The following COBL variants were observed in gnomAD, a reference collection of about 807,000 sequenced individuals.
COBL encodes cordon-bleu WH2 repeat protein, also known as protein cordon-bleu.
In COBL, 51 loss-of-function variants were observed where a neutral mutation model predicts 98.8. The ratio of observed to expected loss-of-function variants is 0.52; its 90% CI spans 0.41 to 0.65. The LOEUF is 0.65. Ranked by LOEUF, COBL falls within the 30% of genes least tolerant of loss-of-function variation. The pLI is 0.00. For synonymous variants in COBL, 634 were observed against 651.7 expected, an observed-to-expected ratio of 0.97 and a Z score of 0.41; for missense variants, 1,617 against 1,617.5, an observed-to-expected ratio of 1.00 and a Z score of 0.01.
At chr7:51,197,896 C>G (rs1302567036) in intron 2 of COBL, among the ~76,000 whole-genome samples, 1 of 152,176 alleles carries the variant, frequency 6.6e-6, no homozygotes, top group African/African-American at 2.4e-5. Flanking sequence ...TTGTTTTGAG[C>G]TTACGTGTGT....
chr7:51,150,257 T>C (rs892691915), intron 5 of COBL, among the ~76,000 whole-genome samples: 3 of 152,212 alleles, frequency 2.0e-5, no homozygotes, highest in African/African-American at 7.2e-5. Flanking sequence ...CAGTCTCTGA[T>C]AGTCCAGTGT....
At chr7:51,127,773 G>T (rs760072463) in intron 6 of COBL, among the ~76,000 whole-genome samples, 1 of 152,216 alleles carries the variant, frequency 6.6e-6, no homozygotes, top group Non-Finnish European at 1.5e-5. Context: ...AGAGAGCAAA[G>T]GGGTGATCCG....
intron 2 of COBL, among the ~76,000 whole-genome samples, chr7:51,216,446 C>G (rs891314502): frequency 6.6e-6 from 1 of 152,204 alleles, no homozygotes; most frequent in Non-Finnish European, 1.5e-5. Context: ...GCTGGGATTA[C>G]AGGCATGAGC....
chr7:51,023,672 G>A (rs572424620), intron 12 of COBL, among the ~76,000 whole-genome samples: 10 of 152,366 alleles, frequency 6.6e-5, no homozygotes, highest in African/African-American at 2.2e-4. Flanking sequence ...GCTGCCGGCC[G>A]GGTGTGGGGC....
chr7:51,121,544 G>A (rs953670155), intron 6 of COBL, among the ~76,000 whole-genome samples: 57 of 152,300 alleles, frequency 3.7e-4, no homozygotes, highest in African/African-American at 1.4e-3. Flanking sequence ...GTTTGGTTGA[G>A]GAGTAAATCA....
intron 6 of COBL, among the ~76,000 whole-genome samples, chr7:51,113,177 T>G (rs548244963): frequency 6.6e-6 from 1 of 152,268 alleles, no homozygotes; most frequent in African/African-American, 2.4e-5. Flanking sequence ...TCATCACAAG[T>G]TTCTAGCAGG....
intron 7 of COBL, among the ~76,000 whole-genome samples, chr7:51,047,884 G>C (rs1425801123): frequency 1.3e-5 from 2 of 152,098 alleles, no homozygotes; most frequent in Non-Finnish European, 2.9e-5. Flanking sequence ...AATTTTGTGG[G>C]GGCCAGGTGC....
chr7:51,159,225 C>A (rs142847934), intron 5 of COBL, among the ~76,000 whole-genome samples: 1 of 152,238 alleles, frequency 6.6e-6, no homozygotes, highest in African/African-American at 2.4e-5. Context: ...GCTTTGGAGA[C>A]CACAGGTGCT....
chr7:51,106,036 T>TAAAAAA (rs1796231933), intron 6 of COBL, among the ~76,000 whole-genome samples: 1 of 69,180 alleles, frequency 1.4e-5, no homozygotes. Context: ...CTACTAAAAA[T>TAAAAAA]ACAAAAAAAA....
intron 6 of COBL, among the ~76,000 whole-genome samples, chr7:51,120,536 T>A (rs1797653069): frequency 6.6e-6 from 1 of 152,190 alleles, no homozygotes; most frequent in Admixed American, 6.5e-5. Context: ...AATTGTACAG[T>A]TCAGTAGTGT....
chr7:51,139,327 A>T (rs942948926), intron 5 of COBL, among the ~76,000 whole-genome samples: 2 of 152,156 alleles, frequency 1.3e-5, no homozygotes, highest in Non-Finnish European at 2.9e-5. Flanking sequence ...CATGAGGGCC[A>T]CACTGAGATG....
intron 6 of COBL, among the ~76,000 whole-genome samples, chr7:51,115,081 T>G (rs1041058699): frequency 6.6e-6 from 1 of 152,210 alleles, no homozygotes; most frequent in African/African-American, 2.4e-5. Context: ...TTTTCAAAAT[T>G]TTTGGTAAAA....
chr7:51,057,067 C>A (rs1361278181), intron 7 of COBL, among the ~76,000 whole-genome samples: 1 of 152,224 alleles, frequency 6.6e-6, no homozygotes, highest in African/African-American at 2.4e-5. Flanking sequence ...TCCACACTGT[C>A]TCCTCCCCTG....
intron 1 of COBL, among the ~76,000 whole-genome samples, chr7:51,300,234 C>A (rs1801810244): frequency 6.6e-6 from 1 of 152,156 alleles, no homozygotes; most frequent in Admixed American, 6.5e-5. Context: ...CATGTCGGCT[C>A]ACTGCAACCT....
chr7:51,144,216 C>T (rs1262600064), intron 5 of COBL, among the ~76,000 whole-genome samples: 1 of 152,172 alleles, frequency 6.6e-6, no homozygotes, highest in African/African-American at 2.4e-5. Flanking sequence ...GTGATAGATT[C>T]GTGTGCAGAC....
In COBL at chr7:51,273,227, G is replaced by T. The variant is rs1798936053; in HGVS notation, c.41+43366C>A. On this transcript the variant is annotated intron_variant, in intron 1 of 12. Transcript: ENST00000265136. ...GCCTGTAATCCCAGCTACTTGGGAG[G>T]CTGAGGCAGGAGAATCGCTTGAACC... Among the ~76,000 whole-genome samples, 3 of 151,656 alleles carry T rather than the reference G, an allele frequency of 2.0e-5. No individual in the cohort carries two copies. The South Asian group carries it at 6.2e-4, about 32-fold the overall frequency.
Position 51,316,582 on chromosome 7 carries a change from G to A in COBL, c.41+11C>T, listed in dbSNP as rs1584485051. ...CCCCTCTCCACCCCGCCCGACCGCG[G>A]GGCCGCTTACCCGGTCGGGGGCTTG... On this transcript the variant is annotated intron_variant, in intron 1 of 12. Transcript: ENST00000265136. 1 of 1,207,866 alleles carries A rather than the reference G, an allele frequency of 8.3e-7. No homozygotes were observed. Among genetic ancestry groups the A allele is most frequent in the African/African-American group, 1.6e-5 (1 of 63,152 alleles). 74.8% of individuals were successfully genotyped at this position (1,207,866 alleles called of 1,614,324 possible).
intron 1 of COBL, 25 bp downstream of exon 1, chr7:51,316,568 C>G (rs1803623352): frequency 3.3e-6 from 4 of 1,209,210 alleles, no homozygotes; most frequent in Non-Finnish European, 3.1e-6. Context: ...CCCTCTCCAC[C>G]CCGCCCGACC....
At chr7:51,127,306 G>C (rs958981912) in intron 6 of COBL, among the ~76,000 whole-genome samples, 1 of 152,196 alleles carries the variant, frequency 6.6e-6, no homozygotes, top group African/African-American at 2.4e-5. Flanking sequence ...GGGGGACGGG[G>C]CCACTGATGT....
Sources: allele counts gnomAD v4.1 joint callset (sites outside exome capture counted in the v4.1 genomes callset), GRCh38; gene constraint gnomAD v4.1.1; transcripts MANE v1.5; gene names NCBI Gene and HGNC (gene_info 2026-07-23, HGNC 2026-07-21).